Variants in LMAN2 observed in about 807,000 individuals in gnomAD.
The protein encoded by LMAN2 is vesicular integral-membrane protein VIP36.
In LMAN2, 22 loss-of-function variants were observed where a neutral mutation model predicts 39.3. The observed-to-expected ratio is 0.56, with a 90% CI of 0.40 to 0.80. LMAN2 has a LOEUF of 0.80. Among genes scored for constraint, LMAN2 ranks in the 30% least tolerant of loss-of-function variants. The pLI is 0.00. For synonymous variants in LMAN2, 207 were observed against 207.8 expected (o/e 1.00, Z 0.03); for missense variants, 494 against 505.4 (o/e 0.98, Z 0.22).
intron 2 of LMAN2, among the ~76,000 whole-genome samples, chr5:177,350,950 T>C (rs916202770): frequency 6.6e-5 from 10 of 152,204 alleles, no homozygotes; most frequent in Non-Finnish European, 1.0e-4. Flanking sequence ...TCATCTCGCA[T>C]GGCTTTTAAA....
Position 177,345,656 on chromosome 5 carries a change from C to CGCTCCT in LMAN2, c.315+5511_315+5516dup, listed in dbSNP as rs1324586677. Among the ~76,000 whole-genome samples, 9 of 152,258 alleles carry CGCTCCT rather than the reference C, an allele frequency of 5.9e-5. No individual in the cohort carries two copies. The South Asian group carries it at 1.7e-3, about 28-fold the overall frequency. On this transcript the variant is annotated intron_variant, in intron 2 of 7. Coordinates refer to ENST00000303127, the MANE Select transcript of LMAN2 (RefSeq NM_006816.3). ...AGGCGCTGCAGAGCTGTGGTCTGCC[C>CGCTCCT]GCTCCTGCTCCTGCCTCACCACTGT...
intron 2 of LMAN2, among the ~76,000 whole-genome samples, chr5:177,339,933 C>A (rs1761526982): frequency 6.6e-6 from 1 of 152,102 alleles, no homozygotes; most frequent in Admixed American, 6.5e-5. Flanking sequence ...ACCCAGATAA[C>A]AAAACCTAGG....
In LMAN2 at chr5:177,332,074, C is replaced by T. The variant is rs560345996; in HGVS notation, c.*12G>A. On this transcript the variant is annotated 3_prime_UTR_variant, in exon 8 of 8. Coordinates refer to ENST00000303127, the MANE Select transcript of LMAN2 (RefSeq NM_006816.3). This position sits in a 1 kb window ranked among gnomAD's most constrained non-coding sequence, Gnocchi z 6.3. The stretch of plus-strand genomic sequence containing the variant: ...TCCTGGGCCCAGGGACAGGCCCCGC[C>T]GGAGGCGCCACTCAGTAGAAGCGCT... 1.5e-5 allele frequency: 24 copies of T among 1,594,488 alleles called. No homozygotes were observed. The highest frequency in any genetic ancestry group is 3.4e-4 in the Middle Eastern group (2 of 5,966).
chr5:177,343,833 G>C (rs1761594380), intron 2 of LMAN2, among the ~76,000 whole-genome samples: 4 of 152,202 alleles, frequency 2.6e-5, no homozygotes, highest in Admixed American at 2.0e-4. Flanking sequence ...GTTGGGATGA[G>C]CAAAGAGTTC....
At position 177,351,596 on chromosome 5, in the gene LMAN2, C is replaced by G. The variant is rs1209328550; in HGVS notation, c.52G>C (p.Gly18Arg). The G allele has an allele frequency of 6.2e-7, 1 of 1,610,848 alleles. No homozygotes were observed. Among genetic ancestry groups the G allele is most frequent in the East Asian group, 2.2e-5 (1 of 44,858 alleles). Residue 18 changes from glycine (G) to arginine (R), a missense_variant, in exon 1 of 8, where the codon GGA becomes CGA. Transcript: ENST00000303127. Reference protein sequence around the residue: ...WRWGWGRRCLGRPGLLGPGPG... With the variant: ...WRWGWGRRCLRRPGLLGPGPG... Reference sequence around the variant, plus strand: ...CCGGGGCCGAGAAGCCCAGGCCTTCCCAGGCACCGCCGGCCCCAGCCCCAA... The same window carrying G: ...CCGGGGCCGAGAAGCCCAGGCCTTCGCAGGCACCGCCGGCCCCAGCCCCAA...
chr5:177,341,947 A>G (rs1414963174), intron 2 of LMAN2, among the ~76,000 whole-genome samples: 1 of 152,220 alleles, frequency 6.6e-6, no homozygotes, highest in Non-Finnish European at 1.5e-5. Flanking sequence ...AAAAGAGCAT[A>G]TAACTTTCAA....
At chr5:177,334,209 A>T in intron 7 of LMAN2, 75 bp downstream of exon 7, 2 of 1,525,536 alleles carry the variant, frequency 1.3e-6, no homozygotes, top group Non-Finnish European at 1.8e-6. Context: ...GGACCACAAG[A>T]CCCGCCAGGC....
intron 2 of LMAN2, among the ~76,000 whole-genome samples, chr5:177,342,137 G>A (rs997566145): frequency 5.3e-5 from 8 of 152,060 alleles, no homozygotes; most frequent in African/African-American, 1.4e-4. Context: ...AAACCCAAGG[G>A]CACCTAGGAT....
chr5:177,337,838 G>T lies in LMAN2; in HGVS notation c.434-53C>A. ...ATGGGAGAAACAGGAGCCGTCCCAT[G>T]GGTACCTAAAAGGCAAGCAATGCCA... On this transcript the variant is annotated intron_variant, in intron 3 of 7. Coordinates refer to ENST00000303127, the MANE Select transcript of LMAN2 (RefSeq NM_006816.3). The surrounding 1 kb of genome is among the most constrained non-coding windows in gnomAD (Gnocchi z 8.2). 6.5e-7 allele frequency: 1 copy of T among 1,545,648 alleles called. No homozygotes were observed. The highest frequency in any genetic ancestry group is 8.9e-7 in the Non-Finnish European group (1 of 1,125,504).
chr5:177,335,329 T>G (rs1300083280), intron 6 of LMAN2, among the ~76,000 whole-genome samples: 1 of 152,144 alleles, frequency 6.6e-6, no homozygotes. Context: ...ATCCTTTCAG[T>G]TTTCAAACTC....
intron 1 of LMAN2, 62 bp downstream of exon 1, chr5:177,351,390 T>C (rs1008437480): frequency 6.2e-7 from 1 of 1,604,180 alleles, no homozygotes; most frequent in Admixed American, 1.7e-5. Context: ...AGGGCACGCC[T>C]TCCCCTAGCC....
At position 177,347,973 on chromosome 5, in the gene LMAN2, A is replaced by T. The variant is rs80124617; in HGVS notation, c.315+3200T>A. Among the ~76,000 whole-genome samples the T allele has an allele frequency of 2.8e-4, 42 of 152,264 alleles. No individual in the cohort carries two copies. The East Asian group carries it at 7.9e-3, about 29-fold the overall frequency. On this transcript the variant is annotated intron_variant, in intron 2 of 7. Coordinates refer to ENST00000303127, the MANE Select transcript of LMAN2 (RefSeq NM_006816.3). ...ATCTATAATAGAAATTTAAAATTTT[A>T]AAAATAACCCCATCTCCAACTACTA...
intron 2 of LMAN2, among the ~76,000 whole-genome samples, chr5:177,343,996 G>T (rs1761596236): frequency 6.6e-6 from 1 of 151,930 alleles, no homozygotes; most frequent in South Asian, 2.1e-4. Context: ...GATTGCTTGA[G>T]GCCAGGAGTT....
At chr5:177,335,037 C>T (rs1761448442) in intron 6 of LMAN2, among the ~76,000 whole-genome samples, 1 of 152,216 alleles carries the variant, frequency 6.6e-6, no homozygotes, top group Non-Finnish European at 1.5e-5. Context: ...GCTGATGGAT[C>T]ACCCAATTGT....
rs151288859 is a variant in LMAN2 at position 177,338,332 on chromosome 5, C to T, written c.433+156G>A. Among the ~76,000 whole-genome samples the T allele has an allele frequency of 5.4e-3, 820 of 152,270 alleles. 11 individuals carry two copies. Among genetic ancestry groups the T allele is most frequent in the African/African-American group, 0.019 (788 of 41,542 alleles). ...TCCAGAGCCAGGCTCCTTCCGGAGGCGCAGGACTTTATCCACGGGAGGCAG... is the reference window on the plus strand; with the variant it reads ...TCCAGAGCCAGGCTCCTTCCGGAGGTGCAGGACTTTATCCACGGGAGGCAG... On this transcript the variant is annotated intron_variant, in intron 3 of 7. Coordinates refer to ENST00000303127, the MANE Select transcript of LMAN2 (RefSeq NM_006816.3).
chr5:177,347,676 T>C (rs1329860312), intron 2 of LMAN2, among the ~76,000 whole-genome samples: 5 of 152,180 alleles, frequency 3.3e-5, no homozygotes, highest in Non-Finnish European at 5.9e-5. Context: ...TTCAGCAGTT[T>C]CCACATCTCT....
chr5:177,349,965 A>G (rs975129078), intron 2 of LMAN2, among the ~76,000 whole-genome samples: 2 of 152,198 alleles, frequency 1.3e-5, no homozygotes, highest in South Asian at 2.1e-4. Flanking sequence ...CTGAGGCAAG[A>G]AGGCAGCCAG....
intron 7 of LMAN2, 29 bp downstream of exon 7, chr5:177,334,255 C>T: frequency 1.3e-6 from 2 of 1,598,268 alleles, no homozygotes; most frequent in Non-Finnish European, 1.7e-6. Flanking sequence ...CCGCCCAGGC[C>T]CAGGCAGGGC....
At chr5:177,349,101 G>A (rs988828784) in intron 2 of LMAN2, among the ~76,000 whole-genome samples, 5 of 152,036 alleles carry the variant, frequency 3.3e-5, no homozygotes, top group African/African-American at 1.2e-4. Context: ...CGCAGCCTCC[G>A]CACAAGACCC....
Sources: allele counts gnomAD v4.1 joint callset (sites outside exome capture counted in the v4.1 genomes callset), GRCh38; gene constraint gnomAD v4.1.1; non-coding constraint Gnocchi (gnomAD v3.1); transcripts MANE v1.5; gene names NCBI Gene and HGNC (gene_info 2026-07-23, HGNC 2026-07-21).